Variants in BRCA2 observed in about 807,000 individuals in gnomAD.
BRCA2 encodes BRCA2 DNA repair associated, also known as breast cancer type 2 susceptibility protein.
BRCA2 carries 203 observed loss-of-function variants against 276.7 expected under a neutral mutation model. That is an observed-to-expected ratio of 0.73 (90% CI 0.65 to 0.82). BRCA2 has a LOEUF of 0.82. Among genes scored for constraint, BRCA2 ranks in the 40% least tolerant of loss-of-function variants. BRCA2 has a pLI of 0.00. For missense variants in BRCA2, 3,920 were observed against 3,915.0 expected, an observed-to-expected ratio of 1.00 and a Z score of -0.03; for synonymous variants, 1,289 against 1,338.4, an observed-to-expected ratio of 0.96 and a Z score of 0.81.
In BRCA2 at chr13:32,336,744, A is replaced by G. The variant is rs587782737; in HGVS notation, c.2389A>G (p.Lys797Glu). 5 of 1,613,860 alleles carry G rather than the reference A, an allele frequency of 3.1e-6. No homozygotes were observed. Among genetic ancestry groups the G allele is most frequent in the African/African-American group, 2.7e-5 (2 of 74,932 alleles). The stretch of plus-strand genomic sequence containing the variant: ...CAAAGAATCATACAAAATGTCAGAC[A>G]AGCTCAAAGGTAACAATTATGAATC... ...RGKESYKMSD[K>E]LKGNNYESDV... is the part of the protein sequence containing the mutation. The change falls in exon 11 of 27, where the codon AAG becomes GAG. Residue 797 changes from lysine (K) to glutamate (E), a missense_variant. By Grantham distance (56) the Lys-to-Glu change is moderately conservative (BLOSUM62 1). Transcript: ENST00000380152.
At chr13:32,321,309 C>G (rs1363494303) in intron 3 of BRCA2, among the ~76,000 whole-genome samples, 1 of 152,130 alleles carries the variant, frequency 6.6e-6, no homozygotes, top group African/African-American at 2.4e-5. Flanking sequence ...CCTTTGACCT[C>G]TAAGTACTCA....
intron 22 of BRCA2, 116 bp downstream of exon 22, chr13:32,379,631 A>G: frequency 1.3e-6 from 2 of 1,505,632 alleles, no homozygotes. Flanking sequence ...AGAGAAGCAA[A>G]ATCCACTACT....
intron 24 of BRCA2, among the ~76,000 whole-genome samples, chr13:32,388,008 T>C (rs897591768): frequency 6.6e-5 from 10 of 152,302 alleles, no homozygotes; most frequent in Non-Finnish European, 1.0e-4. Flanking sequence ...TGGGTCCAGC[T>C]GTTTTCTCTT....
At chr13:32,344,869 A>G (rs962366590) in intron 12 of BRCA2, among the ~76,000 whole-genome samples, 9 of 152,176 alleles carry the variant, frequency 5.9e-5, no homozygotes, top group African/African-American at 2.2e-4. Context: ...ACCATATTAG[A>G]AATGTAAATT....
chr13:32,333,552 A>G (rs1441947858), intron 10 of BRCA2, among the ~76,000 whole-genome samples, 165 bp downstream of exon 10: 1 of 152,208 alleles, frequency 6.6e-6, no homozygotes, highest in Non-Finnish European at 1.5e-5. Context: ...GTTTAGAATC[A>G]GGTCACTCAA....
intron 18 of BRCA2, among the ~76,000 whole-genome samples, chr13:32,364,597 T>G (rs1249427249): frequency 6.7e-6 from 1 of 149,304 alleles, no homozygotes; most frequent in Non-Finnish European, 1.5e-5. Context: ...AAATATTTTT[T>G]GCAATTTAAT....
chr13:32,396,798 G>T, intron 25 of BRCA2, 100 bp from the exon 26 acceptor site: 1 of 1,446,062 alleles, frequency 6.9e-7, no homozygotes. Context: ...ATTCTTTTTT[G>T]GTCCAAACTT....
chr13:32,340,981 T>A lies in BRCA2; in HGVS notation c.6626T>A (p.Ile2209Lys), dbSNP rs431825344. 1 of 1,608,846 alleles carries A rather than the reference T, an allele frequency of 6.2e-7. No homozygotes were observed. The highest frequency in any genetic ancestry group is 8.5e-7 in the Non-Finnish European group (1 of 1,178,756). ...TFSDVPVKTN[I>K]EVCSTYSKDS... ...TCTGATGTTCCTGTGAAAACAAATA[T>A]AGAAGTTTGTTCTACTTACTCCAAA... The change falls in exon 11 of 27, where the codon ATA becomes AAA. Residue 2209 changes from isoleucine (I) to lysine (K), a missense_variant. By Grantham distance (102) the Ile-to-Lys change is moderately radical. Transcript: ENST00000380152.
At position 32,328,672 on chromosome 13, in the gene BRCA2, A is replaced by T. The variant is rs113496137; in HGVS notation, c.632-771A>T. Among the ~76,000 whole-genome samples the T allele has an allele frequency of 7.4e-3, 1,129 of 152,318 alleles. 20 individuals carry two copies. The highest frequency in any genetic ancestry group is 0.026 in the African/African-American group (1,077 of 41,556). On this transcript the variant is annotated intron_variant, in intron 7 of 26. Transcript: ENST00000380152. ...GGGTTTAGAAAATAAAAAATACAAT[A>T]TATCTAGTTAAATTTGGACTTCAGG...
intron 20 of BRCA2, among the ~76,000 whole-genome samples, chr13:32,372,160 CT>C (rs1428046166): frequency 2.0e-5 from 3 of 152,194 alleles, no homozygotes; most frequent in Non-Finnish European, 4.4e-5. Flanking sequence ...GGTAGAACTG[CT>C]TTCATAATTG....
intron 24 of BRCA2, 93 bp downstream of exon 24, chr13:32,380,238 C>G (rs965483830): frequency 3.5e-5 from 46 of 1,328,800 alleles, no homozygotes; most frequent in Non-Finnish European, 4.3e-5. Context: ...TACCAGTTGG[C>G]AAATTTGCTA....
intron 24 of BRCA2, among the ~76,000 whole-genome samples, chr13:32,390,397 G>A (rs2137644422): frequency 6.6e-6 from 1 of 152,066 alleles, no homozygotes; most frequent in South Asian, 2.1e-4. Context: ...ACAAGTCTGG[G>A]CAACAGTGAG....
Position 32,379,412 on chromosome 13 carries a change from G to A in BRCA2, c.8850G>A (p.Lys2950=), listed in dbSNP as rs28897754. Residue 2950 remains lysine (K), a synonymous_variant, in exon 22 of 27, where the codon AAG becomes AAA. Transcript: ENST00000380152. The part of the protein sequence containing the change: ...KQAQIQLEIR[K]AMESAEQKEQ... ...CTCAGATCCAGTTGGAAATTAGGAAGGCCATGGAATCTGCTGAACAAAAGG... is the reference window on the plus strand; with the variant it reads ...CTCAGATCCAGTTGGAAATTAGGAAAGCCATGGAATCTGCTGAACAAAAGG... The A allele has an allele frequency of 2.0e-5, 32 of 1,613,720 alleles. No homozygotes were observed. Among genetic ancestry groups the A allele is most frequent in the Non-Finnish European group, 2.7e-5 (32 of 1,179,886 alleles).
intron 24 of BRCA2, among the ~76,000 whole-genome samples, chr13:32,390,969 C>T (rs1231059249): frequency 1.3e-5 from 2 of 152,150 alleles, no homozygotes; most frequent in Admixed American, 6.5e-5. Context: ...GTAGCCTGCT[C>T]AGGGTCACAA....
rs1555284803 is a variant in BRCA2, at chr13:32,341,062, A to G, written c.6707A>G (p.Glu2236Gly). 6.2e-7 allele frequency: 1 copy of G among 1,614,018 alleles called. No individual in the cohort carries two copies. The highest frequency in any genetic ancestry group is 8.5e-7 in the Non-Finnish European group (1 of 1,179,932). The part of the protein sequence containing the change: ...EAVEIAKAFM[E>G]DDELTDSKLP... ...GTAGAAATTGCTAAAGCTTTTATGG[A>G]AGATGATGAACTGACAGATTCTAAA... Residue 2236 changes from glutamate to glycine, a missense_variant, in exon 11 of 27, where the codon GAA becomes GGA. Coordinates refer to ENST00000380152, the MANE Select transcript of BRCA2 (RefSeq NM_000059.4).
chr13:32,348,616 A>C (rs942435204), intron 13 of BRCA2, among the ~76,000 whole-genome samples: 1 of 152,196 alleles, frequency 6.6e-6, no homozygotes, highest in Non-Finnish European at 1.5e-5. Context: ...GAGGGTAGAC[A>C]TTTTTCAGAT....
chr13:32,368,333 C>G (rs923911546), intron 18 of BRCA2, among the ~76,000 whole-genome samples: 5 of 151,928 alleles, frequency 3.3e-5, no homozygotes, highest in Admixed American at 6.6e-5. Flanking sequence ...GATTACAGCC[C>G]TTTTCTTCTA....
At chr13:32,370,261 A>T in intron 18 of BRCA2, 141 bp from the exon 19 acceptor site, 1 of 741,444 alleles carries the variant, frequency 1.3e-6, no homozygotes, top group Non-Finnish European at 2.2e-6. Flanking sequence ...TTACTTATTT[A>T]CTGTCTTACT....
At position 32,359,800 on chromosome 13, in the gene BRCA2, A is replaced by G. The variant is rs206098; in HGVS notation, c.7805+1871A>G. Among the ~76,000 whole-genome samples the G allele has an allele frequency of 0.98, 149,358 of 152,326 alleles. 73,292 individuals carry two copies. The highest frequency in any genetic ancestry group is 1 in the East Asian group (5,187 of 5,188). ...AATGATTGCCCTGTAGTCTAAGTGG[A>G]AATGTGGAGGCTTTCGTTAGTTTTT... On this transcript the variant is annotated intron_variant, in intron 16 of 26. Coordinates refer to ENST00000380152, the MANE Select transcript of BRCA2 (RefSeq NM_000059.4).
Sources: gnomAD v4.1 joint callset for allele counts (sites outside exome capture counted in the v4.1 genomes callset) on GRCh38, gnomAD v4.1.1 for gene constraint, MANE v1.5 for transcripts, NCBI Gene and HGNC (gene_info 2026-07-23, HGNC 2026-07-21) for gene names.